The following CD38 variants were observed in gnomAD, a reference collection of about 807,000 sequenced individuals.
CD38 encodes ADP-ribosyl cyclase/cyclic ADP-ribose hydrolase 1.
CD38 carries 31 observed loss-of-function variants against 36.3 expected under a neutral mutation model. The ratio of observed to expected loss-of-function variants is 0.85; its 90% CI spans 0.64 to 1.15. CD38 has a LOEUF of 1.15. Among genes scored for constraint, CD38 ranks in the 50% most tolerant of loss-of-function variants. The pLI, the probability that CD38 is intolerant of heterozygous loss-of-function variation, is 0.00. For missense variants in CD38, 380 were observed against 371.9 expected (o/e 1.02, Z -0.18); for synonymous variants, 131 against 135.2 (o/e 0.97, Z 0.22).
Position 15,778,938 on chromosome 4 carries a change from G to A in CD38, c.233+291G>A, listed in dbSNP as rs1054104075. On this transcript the variant is annotated intron_variant, in intron 1 of 7. Transcript: ENST00000226279. The surrounding 1 kb of genome is among the most constrained non-coding windows in gnomAD (Gnocchi z 4.9). ...CACCGATGCCCGCCTTCTGGGCAAG[G>A]TGCCCTGAGCCCAGCCCCTCGCCGG... Among the ~76,000 whole-genome samples, 1 of 152,192 alleles carries A rather than the reference G, an allele frequency of 6.6e-6. No homozygotes were observed. Among genetic ancestry groups the A allele is most frequent in the Non-Finnish European group, 1.5e-5 (1 of 68,032 alleles).
intron 1 of CD38, among the ~76,000 whole-genome samples, chr4:15,783,456 G>A (rs551766436): frequency 6.6e-6 from 1 of 152,216 alleles, no homozygotes; most frequent in Non-Finnish European, 1.5e-5. Context: ...GCAGGGATGG[G>A]AGCAGGCATT....
At chr4:15,826,469 A>ATG (rs1560317017) in intron 3 of CD38, among the ~76,000 whole-genome samples, 6 of 151,360 alleles carry the variant, frequency 4.0e-5, no homozygotes, top group African/African-American at 1.5e-4. Context: ...GCACACACAC[A>ATG]CACACACACA....
At position 15,824,905 on chromosome 4, in the gene CD38, G is replaced by A; in HGVS notation, c.388G>A (p.Asp130Asn). ...NKILLWSRIK[D>N]LAHQFTQVQR... Reference sequence around the variant, plus strand: ...GATTCTTCTTTGGAGCAGAATAAAAGATCTGGCCCATCAGTTCACACAGGT... The same window carrying A: ...GATTCTTCTTTGGAGCAGAATAAAAAATCTGGCCCATCAGTTCACACAGGT... The change falls in exon 3 of 8, where the codon GAT becomes AAT. Residue 130 changes from aspartate to asparagine, a missense_variant. Asp to Asn is a conservative substitution (Grantham distance 23). Transcript: ENST00000226279. The A allele has an allele frequency of 2.5e-6, 4 of 1,613,510 alleles. No individual in the cohort carries two copies. The highest frequency in any genetic ancestry group is 3.4e-6 in the Non-Finnish European group (4 of 1,179,636).
intron 1 of CD38, among the ~76,000 whole-genome samples, chr4:15,792,113 C>T (rs1447316818): frequency 1.7e-5 from 1 of 60,044 alleles, no homozygotes; most frequent in African/African-American, 1.6e-4. Flanking sequence ...TCCTGTTGAT[C>T]TGTGACCTTA....
chr4:15,807,158 T>C (rs930301918), intron 1 of CD38, among the ~76,000 whole-genome samples: 1 of 152,118 alleles, frequency 6.6e-6, no homozygotes, highest in Non-Finnish European at 1.5e-5. Context: ...AGAAAGGACT[T>C]ACTGAGGATT....
intron 2 of CD38, among the ~76,000 whole-genome samples, chr4:15,823,637 T>G (rs1723785818): frequency 6.6e-6 from 1 of 152,174 alleles, no homozygotes; most frequent in Non-Finnish European, 1.5e-5. Flanking sequence ...CCAGTCAGAA[T>G]GGCATTATTA....
At chr4:15,783,402 G>A (rs554705131) in intron 1 of CD38, among the ~76,000 whole-genome samples, 1 of 152,334 alleles carries the variant, frequency 6.6e-6, no homozygotes, top group South Asian at 2.1e-4. Flanking sequence ...GGTGATTGCA[G>A]GTACTGACGA....
At chr4:15,793,887 T>A (rs1261860102) in intron 1 of CD38, among the ~76,000 whole-genome samples, 2 of 152,130 alleles carry the variant, frequency 1.3e-5, no homozygotes, top group Non-Finnish European at 2.9e-5. Context: ...GGGGCAGAGG[T>A]ACTGAAAAAA....
chr4:15,808,558 TAGA>T (rs1185173207), intron 1 of CD38, among the ~76,000 whole-genome samples: 6 of 152,204 alleles, frequency 3.9e-5, no homozygotes, highest in African/African-American at 1.4e-4. Flanking sequence ...AGAAGGAGAA[TAGA>T]AGGTCACAAA....
At chr4:15,826,767 A>G (rs1723861018) in intron 3 of CD38, among the ~76,000 whole-genome samples, 1 of 152,040 alleles carries the variant, frequency 6.6e-6, no homozygotes, top group Non-Finnish European at 1.5e-5. Context: ...AGAAAAAAAA[A>G]GAATGTATAT....
chr4:15,803,794 C>T (rs1449350790), intron 1 of CD38, among the ~76,000 whole-genome samples: 2 of 152,094 alleles, frequency 1.3e-5, no homozygotes, highest in Admixed American at 6.6e-5. Context: ...TGCAACCCTT[C>T]CTTCCTCCTT....
At chr4:15,783,998 C>T (rs1722754718) in intron 1 of CD38, among the ~76,000 whole-genome samples, 1 of 152,188 alleles carries the variant, frequency 6.6e-6, no homozygotes, top group Non-Finnish European at 1.5e-5. Flanking sequence ...TGAAGAAACA[C>T]AAGCATTGAT....
At chr4:15,819,853 T>C (rs1682635060) in intron 2 of CD38, among the ~76,000 whole-genome samples, 1 of 152,160 alleles carries the variant, frequency 6.6e-6, no homozygotes, top group African/African-American at 2.4e-5. Context: ...TTCTTCAACC[T>C]AGCAAGATGG....
intron 1 of CD38, among the ~76,000 whole-genome samples, chr4:15,787,135 G>C (rs749362745): frequency 6.6e-6 from 1 of 152,230 alleles, no homozygotes; most frequent in Admixed American, 6.5e-5. Flanking sequence ...GCCTGGGCCA[G>C]CCCAGAGAGG....
At chr4:15,798,949 C>A (rs780126200) in intron 1 of CD38, among the ~76,000 whole-genome samples, 2 of 152,262 alleles carry the variant, frequency 1.3e-5, no homozygotes, top group Middle Eastern at 6.8e-3. Context: ...ATGTGGATTG[C>A]AAATAAAGTC....
intron 2 of CD38, 32 bp from the exon 3 acceptor site, chr4:15,824,849 C>A (rs1723813992): frequency 1.3e-6 from 2 of 1,539,828 alleles, no homozygotes; most frequent in African/African-American, 1.4e-5. Context: ...CTAAATTGAT[C>A]TCAGTAATAG....
intron 1 of CD38, among the ~76,000 whole-genome samples, chr4:15,801,767 C>A (rs1223760412): frequency 1.3e-5 from 2 of 151,994 alleles, no homozygotes; most frequent in African/African-American, 4.8e-5. Context: ...AACTCTCAAA[C>A]AATTAGGTTT....
intron 1 of CD38, among the ~76,000 whole-genome samples, chr4:15,786,647 G>A (rs1722838726): frequency 6.6e-6 from 1 of 152,240 alleles, no homozygotes; most frequent in South Asian, 2.1e-4. Context: ...GTCCCCACTA[G>A]ACTCAGAAGC....
chr4:15,836,973 C>CA (rs1201698140), intron 4 of CD38, among the ~76,000 whole-genome samples: 2 of 152,182 alleles, frequency 1.3e-5, no homozygotes, highest in Non-Finnish European at 2.9e-5. Flanking sequence ...TAACATAACC[C>CA]AAAATCCACC....
Sources: allele counts gnomAD v4.1 joint callset (sites outside exome capture counted in the v4.1 genomes callset), GRCh38; gene constraint gnomAD v4.1.1; non-coding constraint Gnocchi (gnomAD v3.1); transcripts MANE v1.5; gene names NCBI Gene and HGNC (gene_info 2026-07-23, HGNC 2026-07-21).